LRP1: variants seen among roughly 807,000 people sequenced by gnomAD.
LRP1 encodes LDL receptor related protein 1.
LRP1 carries 51 observed loss-of-function variants against 541.5 expected under a neutral mutation model. The observed-to-expected ratio is 0.09, with a 90% CI of 0.08 to 0.12. The LOEUF is 0.12. Among genes scored for constraint, LRP1 ranks in the 10% least tolerant of loss-of-function variants. The pLI is 1.00. For missense variants in LRP1, 3,878 were observed against 6,376.2 expected, an observed-to-expected ratio of 0.61 and a Z score of 13.34; for synonymous variants, 2,219 against 2,470.8, an observed-to-expected ratio of 0.90 and a Z score of 3.02.
intron 1 of LRP1, among the ~76,000 whole-genome samples, chr12:57,129,711 A>T (rs905790010): frequency 3.3e-5 from 5 of 152,086 alleles, no homozygotes; most frequent in Non-Finnish European, 7.4e-5. Context: ...TGTGACTTTG[A>T]ATTTTCCTTC....
chr12:57,205,823 C>A lies in LRP1; in HGVS notation c.11590+146C>A. 8.0e-7 allele frequency: 1 copy of A among 1,246,024 alleles called. No individual in the cohort carries two copies. Among genetic ancestry groups the A allele is most frequent in the Non-Finnish European group, 1.1e-6 (1 of 915,478 alleles). The allele number at this position is 1,246,024 out of a possible 1,614,324, so 77.2% of individuals were successfully genotyped here. On this transcript the variant is annotated intron_variant, in intron 75 of 88. Coordinates refer to ENST00000243077, the MANE Select transcript of LRP1 (RefSeq NM_002332.3). This position sits in a 1 kb window ranked among gnomAD's most constrained non-coding sequence, Gnocchi z 4.6. Reference sequence around the variant, plus strand: ...ACTCATAGTTGCAGCTGCCTGAGCACAGTGCTGGCCCAGCAGTGGGGGCAG... The same window carrying A: ...ACTCATAGTTGCAGCTGCCTGAGCAAAGTGCTGGCCCAGCAGTGGGGGCAG...
chr12:57,210,345 G>C lies in LRP1; in HGVS notation c.12619G>C (p.Gly4207Arg). Residue 4207 changes from glycine (G) to arginine (R), a missense_variant, in exon 82 of 89, where the codon GGT (glycine) becomes CGT (arginine). Gly to Arg is a moderately radical substitution (Grantham distance 125). Transcript: ENST00000243077. Reference protein sequence around the residue: ...PGTCNLQCFNGGSCFLNARRQ... With the variant: ...PGTCNLQCFNRGSCFLNARRQ... The stretch of plus-strand genomic sequence containing the variant: ...AACCTGTAACCTGCAGTGCTTCAAC[G>C]GTGGCAGCTGTTTCCTCAATGCACG... 4.4e-6 allele frequency: 7 copies of C among 1,588,068 alleles called. No individual in the cohort carries two copies. Among genetic ancestry groups the C allele is most frequent in the Non-Finnish European group, 5.1e-6 (6 of 1,167,028 alleles).
At chr12:57,169,698 T>C (rs1354019329) in intron 20 of LRP1, among the ~76,000 whole-genome samples, 1 of 152,214 alleles carries the variant, frequency 6.6e-6, no homozygotes, top group African/African-American at 2.4e-5. Flanking sequence ...GCACGAAAAG[T>C]GCTCAGCACA....
In LRP1 at chr12:57,161,130, G is replaced by T; in HGVS notation, c.2202+15G>T. 1 of 1,609,330 alleles carries T rather than the reference G, an allele frequency of 6.2e-7. No homozygotes were observed. Reference sequence around the variant, plus strand: ...CAGACCGGAAGGTGGGCAGGCATGTGCCTGTGTGGGGGAATCTGTGTGTGT... The same window carrying T: ...CAGACCGGAAGGTGGGCAGGCATGTTCCTGTGTGGGGGAATCTGTGTGTGT... On this transcript the variant is annotated intron_variant, in intron 13 of 88. Coordinates refer to ENST00000243077, the MANE Select transcript of LRP1 (RefSeq NM_002332.3).
Position 57,183,198 on chromosome 12 carries a change from TG to T in LRP1, c.5663-180del, listed in dbSNP as rs1488119590. Among the ~76,000 whole-genome samples, 11 of 152,052 alleles carry T rather than the reference TG, an allele frequency of 7.2e-5. No homozygotes were observed. The highest frequency in any genetic ancestry group is 2.7e-4 in the African/African-American group (11 of 41,394). On this transcript the variant is annotated intron_variant, in intron 34 of 88. Coordinates refer to ENST00000243077, the MANE Select transcript of LRP1 (RefSeq NM_002332.3). This position sits in a 1 kb window ranked among gnomAD's most constrained non-coding sequence, Gnocchi z 6.1. ...TGGTTCCCCAGAGCTACCAGCCAGGTGCGCTTCCTCCCGGCCCATGCTCTGG... is the reference window on the plus strand; with the variant it reads ...TGGTTCCCCAGAGCTACCAGCCAGGTCGCTTCCTCCCGGCCCATGCTCTGG...
chr12:57,145,625 A>G (rs1289941392), intron 6 of LRP1, 135 bp downstream of exon 6: 2 of 1,183,186 alleles, frequency 1.7e-6, no homozygotes, highest in Admixed American at 2.0e-5. Flanking sequence ...GGCTGGATAC[A>G]ATGGTGTGTG....
chr12:57,149,406 G>A (rs2035482506), intron 6 of LRP1: 3 of 571,374 alleles, frequency 5.3e-6, no homozygotes, highest in Non-Finnish European at 6.2e-6. Context: ...CCCAGATCCA[G>A]CCCTGTCCTC....
At chr12:57,144,082 C>T (rs991631899) in intron 4 of LRP1, among the ~76,000 whole-genome samples, 3 of 152,070 alleles carry the variant, frequency 2.0e-5, no homozygotes, top group Non-Finnish European at 4.4e-5. Context: ...TGACAAATCC[C>T]CCTCAATTCC....
In LRP1 at chr12:57,196,295, G is replaced by A; in HGVS notation, c.8892+18G>A. ...GCTTCAAGGTATGCCCAGCCCTGGG[G>A]AGGAGCTTCCACACCCCAGACGTGC... is the stretch of plus-strand genomic sequence containing the variant. On this transcript the variant is annotated intron_variant, in intron 55 of 88. Coordinates refer to ENST00000243077, the MANE Select transcript of LRP1 (RefSeq NM_002332.3). 5 of 1,549,636 alleles carry A rather than the reference G, an allele frequency of 3.2e-6. No homozygotes were observed. Among genetic ancestry groups the A allele is most frequent in the Non-Finnish European group, 3.5e-6 (4 of 1,142,952 alleles).
chr12:57,161,413 G>A (rs1050803357), intron 13 of LRP1, among the ~76,000 whole-genome samples: 2 of 152,066 alleles, frequency 1.3e-5, no homozygotes, highest in East Asian at 1.9e-4. Context: ...CACCATGTGC[G>A]CCTCCTCATG....
chr12:57,195,314 C>T lies in LRP1; in HGVS notation c.8352C>T (p.Thr2784=). ...CCTCCTCCTTCTCCTGCCCTGGCAC[C>T]CACGTGTGCGTCCCCGAGCGCTGGC... is the stretch of plus-strand genomic sequence containing the variant. The part of the protein sequence containing the change: ...CGPSSFSCPG[T]HVCVPERWLC... Residue 2784 remains threonine (T), a synonymous_variant, in exon 52 of 89, where the codon ACC becomes ACT. Coordinates refer to ENST00000243077, the MANE Select transcript of LRP1 (RefSeq NM_002332.3). The T allele has an allele frequency of 6.2e-7, 1 of 1,613,748 alleles. No homozygotes were observed. Among genetic ancestry groups the T allele is most frequent in the Non-Finnish European group, 8.5e-7 (1 of 1,180,030 alleles).
rs2036652013 is a variant in LRP1 at position 57,201,409 on chromosome 12, C to CTGG, written c.10346-88_10346-87insTGG. The CTGG allele has an allele frequency of 5.9e-6, 9 of 1,530,880 alleles. No individual in the cohort carries two copies. Among genetic ancestry groups the CTGG allele is most frequent in the Non-Finnish European group, 7.9e-6 (9 of 1,133,550 alleles). 94.8% of individuals were successfully genotyped at this position (1,530,880 alleles called of 1,614,324 possible). A position where few individuals can be genotyped will look rare whatever the true frequency, so the allele number is the denominator to read the frequency against. On this transcript the variant is annotated intron_variant, in intron 65 of 88. Coordinates refer to ENST00000243077, the MANE Select transcript of LRP1 (RefSeq NM_002332.3). This position sits in a 1 kb window ranked among gnomAD's most constrained non-coding sequence, Gnocchi z 6.4. ...GAAGAAGTTGCTGGCAGGACCAAGG[C>CTGG]CAGGGCTTGGAAGAGAGAGAAGACA...
chr12:57,174,743 C>T (rs1239060173), intron 22 of LRP1, among the ~76,000 whole-genome samples: 2 of 152,120 alleles, frequency 1.3e-5, no homozygotes, highest in African/African-American at 2.4e-5. Flanking sequence ...CCAGCCTGGG[C>T]GACAGAGCAA....
chr12:57,180,830 G>T (rs370820477), intron 33 of LRP1, 23 bp downstream of exon 33: 3 of 1,611,588 alleles, frequency 1.9e-6, no homozygotes, highest in South Asian at 2.2e-5. Flanking sequence ...CCGGGCGGCC[G>T]CTGGGGGCTC....
rs113082670 is a variant in LRP1 at position 57,206,260 on chromosome 12, G to A, written c.11591-213G>A. Reference sequence around the variant, plus strand: ...GGACAGCTTTCTGACTGAAAGGAGCGGGTCACAGTGGATCAGCTCAGGGGA... The same window carrying A: ...GGACAGCTTTCTGACTGAAAGGAGCAGGTCACAGTGGATCAGCTCAGGGGA... On this transcript the variant is annotated intron_variant, in intron 75 of 88. Transcript: ENST00000243077. This position sits in a 1 kb window ranked among gnomAD's most constrained non-coding sequence, Gnocchi z 4.7. 5.2e-4 allele frequency among the ~76,000 whole-genome samples: 79 copies of A among 152,348 alleles called. No homozygotes were observed. The highest frequency in any genetic ancestry group is 1.7e-3 in the African/African-American group (72 of 41,586).
chr12:57,201,025 C>T lies in LRP1; in HGVS notation c.10226-9C>T. ...CTTCGCCACGAATCACCTCCTCCTCCCTCCACAGACATCCACGTCTGCTTG... is the reference window on the plus strand; with the variant it reads ...CTTCGCCACGAATCACCTCCTCCTCTCTCCACAGACATCCACGTCTGCTTG... On this transcript the variant is annotated splice_polypyrimidine_tract_variant and intron_variant, in intron 64 of 88. Coordinates refer to ENST00000243077, the MANE Select transcript of LRP1 (RefSeq NM_002332.3). This position sits in a 1 kb window ranked among gnomAD's most constrained non-coding sequence, Gnocchi z 6.4. The T allele has an allele frequency of 6.2e-7, 1 of 1,614,082 alleles. No homozygotes were observed. Among genetic ancestry groups the T allele is most frequent in the Admixed American group, 1.7e-5 (1 of 60,018 alleles).
At chr12:57,160,673 G>T (rs1344334263) in intron 12 of LRP1, among the ~76,000 whole-genome samples, 1 of 152,104 alleles carries the variant, frequency 6.6e-6, no homozygotes, top group Non-Finnish European at 1.5e-5. Context: ...TGGCTGCCTT[G>T]GTCTCCACTG....
Position 57,162,646 on chromosome 12 carries a change from G to T in LRP1, c.2404+128G>T. The T allele has an allele frequency of 8.4e-7, 1 of 1,186,678 alleles. No individual in the cohort carries two copies. 73.5% of individuals were successfully genotyped at this position (1,186,678 alleles called of 1,614,324 possible). ...CTAGGCTCTGACTTTTGAGGATCCTGAGAAGAGAACTCCCCCAACACAATC... is the reference window on the plus strand; with the variant it reads ...CTAGGCTCTGACTTTTGAGGATCCTTAGAAGAGAACTCCCCCAACACAATC... On this transcript the variant is annotated intron_variant, in intron 14 of 88. Coordinates refer to ENST00000243077, the MANE Select transcript of LRP1 (RefSeq NM_002332.3). This position sits in a 1 kb window ranked among gnomAD's most constrained non-coding sequence, Gnocchi z 5.2.
Position 57,202,401 on chromosome 12 carries a change from C to A in LRP1, c.10595-20C>A. 6.3e-7 allele frequency: 1 copy of A among 1,582,828 alleles called. No homozygotes were observed. Among genetic ancestry groups the A allele is most frequent in the Non-Finnish European group, 8.7e-7 (1 of 1,152,118 alleles). ...TGCCCCAGCCCTTTCCCTGACTGCC[C>A]TGACACTTGCCTCCTCCAGATGAAC... On this transcript the variant is annotated intron_variant, in intron 67 of 88. Coordinates refer to ENST00000243077, the MANE Select transcript of LRP1 (RefSeq NM_002332.3).
Sources: gnomAD v4.1 joint callset for allele counts (sites outside exome capture counted in the v4.1 genomes callset) on GRCh38, gnomAD v4.1.1 for gene constraint, Gnocchi (gnomAD v3.1) non-coding constraint, MANE v1.5 for transcripts, NCBI Gene and HGNC (gene_info 2026-07-23, HGNC 2026-07-21) for gene names.